POR: variants seen among roughly 807,000 people sequenced by gnomAD.
POR encodes NADPH--cytochrome P450 reductase.
Under a neutral mutation model 84.0 loss-of-function variants are expected in POR, and 56 were observed. The ratio of observed to expected loss-of-function variants is 0.67; its 90% CI spans 0.54 to 0.83. The LOEUF (loss-of-function observed/expected upper bound fraction) is 0.83, where lower values mean the gene tolerates loss of function less well. Among genes scored for constraint, POR ranks in the 40% least tolerant of loss-of-function variants. The pLI is 0.00. For synonymous variants in POR, 414 were observed against 400.5 expected (o/e 1.03, Z -0.40); for missense variants, 938 against 944.3 (o/e 0.99, Z 0.09).
At chr7:75,949,224 A>T (rs1382242114) in intron 1 of POR, among the ~76,000 whole-genome samples, 1 of 151,746 alleles carries the variant, frequency 6.6e-6, no homozygotes, top group Non-Finnish European at 1.5e-5. Context: ...GCGTGATCTC[A>T]GCTCACTACA....
intron 1 of POR, among the ~76,000 whole-genome samples, chr7:75,933,444 A>G (rs868925878): frequency 3.8e-4 from 52 of 135,120 alleles, no homozygotes; most frequent in African/African-American, 1.2e-3. Context: ...GCTGGAGTGC[A>G]ATGGCGCGAT....
Position 75,946,003 on chromosome 7 carries a change from C to G in POR, c.-4-7986C>G, listed in dbSNP as rs1321655682. Among the ~76,000 whole-genome samples, 7 of 152,274 alleles carry G rather than the reference C, an allele frequency of 4.6e-5. No individual in the cohort carries two copies. In the South Asian group the frequency reaches 1.0e-3, roughly 23 times the overall value. On this transcript the variant is annotated intron_variant, in intron 1 of 15. Transcript: ENST00000461988. The stretch of plus-strand genomic sequence containing the variant: ...GCTGGTGAGGCTCCTGCCAGTGCCC[C>G]CCAGCCTGTGTGCTCCCTGATTTAT...
chr7:75,936,165 G>A (rs1157269296), intron 1 of POR, among the ~76,000 whole-genome samples: 1 of 146,240 alleles, frequency 6.8e-6, no homozygotes, highest in Non-Finnish European at 1.5e-5. Flanking sequence ...AATCATCATG[G>A]CTCACTGCAG....
intron 1 of POR, among the ~76,000 whole-genome samples, chr7:75,934,480 A>G (rs1214729193): frequency 6.6e-6 from 1 of 152,140 alleles, no homozygotes; most frequent in Non-Finnish European, 1.5e-5. Context: ...GAAAGAAAAA[A>G]CTTTTTCAAG....
Position 75,954,083 on chromosome 7 carries a change from A to C in POR, c.91A>C (p.Met31Leu), listed in dbSNP as rs782721917. 4 of 1,613,084 alleles carry C rather than the reference A, an allele frequency of 2.5e-6. No homozygotes were observed. The East Asian group carries it at 8.9e-5, about 36-fold the overall frequency. The change falls in exon 2 of 16, where the codon ATG becomes CTG. Residue 31 changes from methionine (M) to leucine (L), a missense_variant. Met to Leu is a conservative substitution (Grantham distance 15, BLOSUM62 2). Transcript: ENST00000461988. Reference sequence around the variant, plus strand: ...AGTATCTCTTTTCAGCATGACGGACATGATTCTGTTTTCGCTCATCGTGGG... The same window carrying C: ...AGTATCTCTTTTCAGCATGACGGACCTGATTCTGTTTTCGCTCATCGTGGG...
In POR at chr7:75,982,135, C is replaced by T. The variant is rs72557921; in HGVS notation, c.732-89C>T. 46 of 942,936 alleles carry T rather than the reference C, an allele frequency of 4.9e-5. No individual in the cohort carries two copies. In the African/African-American group the frequency reaches 6.5e-4, roughly 13 times the overall value. 58.4% of individuals were successfully genotyped at this position (942,936 alleles called of 1,614,324 possible). ...GTACCTGGGACCTCACCCCAAAGGC[C>T]ATGCACGGTCTCCCCTGTAGTCCAA... On this transcript the variant is annotated intron_variant, in intron 7 of 15. Transcript: ENST00000461988.
At chr7:75,983,699 C>T in intron 9 of POR, 39 bp from the exon 10 acceptor site, 1 of 1,607,294 alleles carries the variant, frequency 6.2e-7, no homozygotes, top group Non-Finnish European at 8.5e-7. Context: ...GGGGCAGGGC[C>T]AGCCTTCCGC....
intron 1 of POR, among the ~76,000 whole-genome samples, chr7:75,938,692 G>A (rs1322102880): frequency 1.3e-5 from 2 of 152,192 alleles, no homozygotes; most frequent in African/African-American, 2.4e-5. Flanking sequence ...CCAGGAGTTA[G>A]AGGCTGCAGT....
At chr7:75,954,869 G>A (rs1787615680) in intron 2 of POR, among the ~76,000 whole-genome samples, 1 of 151,998 alleles carries the variant, frequency 6.6e-6, no homozygotes, top group Admixed American at 6.6e-5. Flanking sequence ...CACCACGCCT[G>A]GCTATTTTTT....
At chr7:75,942,292 A>T (rs558344200) in intron 1 of POR, among the ~76,000 whole-genome samples, 255 of 152,352 alleles carry the variant, frequency 1.7e-3, no homozygotes, top group African/African-American at 5.5e-3. Context: ...CCCAAACATC[A>T]AAATCTGTTG....
chr7:75,981,828 C>A, intron 7 of POR: 1 of 589,504 alleles, frequency 1.7e-6, no homozygotes. Context: ...AAGGACACAT[C>A]GCGTCGGGCT....
In POR at chr7:75,951,990, G is replaced by A. The variant is rs544728691; in HGVS notation, c.-4-1999G>A. 2.0e-3 allele frequency among the ~76,000 whole-genome samples: 295 copies of A among 150,174 alleles called. 1 individual carries two copies. The highest frequency in any genetic ancestry group is 5.2e-3 in the Admixed American group (79 of 15,166). On this transcript the variant is annotated intron_variant, in intron 1 of 15. Coordinates refer to ENST00000461988, the MANE Select transcript of POR (RefSeq NM_000941.3). Reference sequence around the variant, plus strand: ...TGACCCCCCCACCTCCCTCCCGGACGGGGCGGCTGGCGGGGCAGAGGGGCT... The same window carrying A: ...TGACCCCCCCACCTCCCTCCCGGACAGGGCGGCTGGCGGGGCAGAGGGGCT...
At chr7:75,960,207 C>T (rs1554554279) in intron 2 of POR, among the ~76,000 whole-genome samples, 1 of 152,032 alleles carries the variant, frequency 6.6e-6, no homozygotes, top group Non-Finnish European at 1.5e-5. Flanking sequence ...GAGAGGATCA[C>T]CTGAGCCTGG....
intron 2 of POR, 86 bp from the exon 3 acceptor site, chr7:75,972,327 C>A: frequency 8.2e-7 from 1 of 1,217,872 alleles, no homozygotes; most frequent in Non-Finnish European, 1.2e-6. Flanking sequence ...TCCCATGAAA[C>A]CTGCATCTAA....
At chr7:75,961,526 G>A (rs2116467691) in intron 2 of POR, among the ~76,000 whole-genome samples, 1 of 152,228 alleles carries the variant, frequency 6.6e-6, no homozygotes, top group East Asian at 1.9e-4. Context: ...AGCTTCTTAT[G>A]GAACATTTCA....
intron 10 of POR, among the ~76,000 whole-genome samples, chr7:75,984,405 C>T (rs966940842): frequency 1.3e-5 from 2 of 152,196 alleles, no homozygotes; most frequent in East Asian, 1.9e-4. Flanking sequence ...CCCTGCTTGC[C>T]GGTCCTCAGC....
At chr7:75,959,698 C>A (rs1787850126) in intron 2 of POR, among the ~76,000 whole-genome samples, 1 of 152,188 alleles carries the variant, frequency 6.6e-6, no homozygotes, top group African/African-American at 2.4e-5. Flanking sequence ...CCAAGTGATC[C>A]ATCCGCCTGG....
intron 1 of POR, among the ~76,000 whole-genome samples, chr7:75,924,824 T>G (rs1807040229): frequency 1.3e-5 from 2 of 152,214 alleles, no homozygotes; most frequent in Non-Finnish European, 2.9e-5. Flanking sequence ...TGGGTGTTTA[T>G]GTCTCATGTA....
At chr7:75,932,713 A>G (rs1807478071) in intron 1 of POR, among the ~76,000 whole-genome samples, 1 of 152,184 alleles carries the variant, frequency 6.6e-6, no homozygotes, top group African/African-American at 2.4e-5. Flanking sequence ...TATATGTAGT[A>G]TAAGACCGAT....
Sources: gnomAD v4.1 joint callset for allele counts (sites outside exome capture counted in the v4.1 genomes callset) on GRCh38, gnomAD v4.1.1 for gene constraint, MANE v1.5 for transcripts, NCBI Gene and HGNC (gene_info 2026-07-23, HGNC 2026-07-21) for gene names.